Variants in DOK5 observed in about 807,000 individuals in gnomAD.
DOK5 encodes downstream of tyrosine kinase 5.
Under a neutral mutation model 43.3 loss-of-function variants are expected in DOK5, and 27 were observed. The ratio of observed to expected loss-of-function variants is 0.62; its 90% confidence interval spans 0.46 to 0.86. DOK5 has a LOEUF of 0.86. Ranked by LOEUF, DOK5 falls within the 40% of genes least tolerant of loss-of-function variation. The pLI is 0.00. For synonymous variants in DOK5, 146 were observed against 140.1 expected, an observed-to-expected ratio of 1.04 and a Z score of -0.30; for missense variants, 373 against 392.9, an observed-to-expected ratio of 0.95 and a Z score of 0.43.
At chr20:54,628,270 G>C (rs1456075476) in intron 6 of DOK5, among the ~76,000 whole-genome samples, 1 of 151,586 alleles carries the variant, frequency 6.6e-6, no homozygotes, top group Admixed American at 6.6e-5. Context: ...TTAGCCCGGC[G>C]TGGTGGCGGG....
At chr20:54,514,739 T>C (rs1983139968) in intron 1 of DOK5, among the ~76,000 whole-genome samples, 2 of 151,974 alleles carry the variant, frequency 1.3e-5, no homozygotes, top group South Asian at 2.1e-4. Flanking sequence ...GGTCCCTGTC[T>C]GAGGCAATTA....
At chr20:54,508,206 C>T (rs990640822) in intron 1 of DOK5, among the ~76,000 whole-genome samples, 4 of 151,996 alleles carry the variant, frequency 2.6e-5, no homozygotes, top group Admixed American at 1.3e-4. Context: ...GTAGAACTCC[C>T]AGTATTTGTA....
chr20:54,570,908 C>T (rs1472794885), intron 2 of DOK5, among the ~76,000 whole-genome samples: 1 of 152,102 alleles, frequency 6.6e-6, no homozygotes, highest in Admixed American at 6.5e-5. Context: ...AAAACTATAT[C>T]GGTAGCAAAT....
At chr20:54,548,258 TTTA>T (rs1485342378) in intron 1 of DOK5, among the ~76,000 whole-genome samples, 2 of 152,002 alleles carry the variant, frequency 1.3e-5, no homozygotes, top group Non-Finnish European at 2.9e-5. Context: ...TATTTATTTA[TTTA>T]TTGACACTCT....
intron 2 of DOK5, among the ~76,000 whole-genome samples, chr20:54,573,190 C>T (rs945385362): frequency 2.0e-5 from 3 of 152,098 alleles, no homozygotes; most frequent in African/African-American, 7.2e-5. Flanking sequence ...GGAATGGTCT[C>T]ATTGAGAGGG....
At chr20:54,560,591 G>A (rs918714039) in intron 2 of DOK5, among the ~76,000 whole-genome samples, 2 of 152,132 alleles carry the variant, frequency 1.3e-5, no homozygotes, top group African/African-American at 4.8e-5. Context: ...GTTCAAAACT[G>A]ACTGAACTCT....
intron 2 of DOK5, chr20:54,555,270 A>C: frequency 2.1e-6 from 1 of 467,600 alleles, no homozygotes; most frequent in Non-Finnish European, 3.9e-6. Context: ...GCTGTTTTCC[A>C]GTCTCTGCTA....
At chr20:54,630,117 G>T (rs1446674878) in intron 6 of DOK5, among the ~76,000 whole-genome samples, 1 of 152,172 alleles carries the variant, frequency 6.6e-6, no homozygotes, top group Admixed American at 6.5e-5. Context: ...AACGACTGGG[G>T]GTGCCCAGAG....
intron 5 of DOK5, among the ~76,000 whole-genome samples, chr20:54,607,089 G>A (rs1361524569): frequency 6.6e-6 from 1 of 152,194 alleles, no homozygotes; most frequent in African/African-American, 2.4e-5. Flanking sequence ...TAGAATGCAG[G>A]AGCTTGATCA....
intron 6 of DOK5, among the ~76,000 whole-genome samples, chr20:54,612,250 G>C (rs1986673282): frequency 6.6e-6 from 1 of 152,300 alleles, no homozygotes; most frequent in Middle Eastern, 3.4e-3. Flanking sequence ...ACTTGGAAAA[G>C]AGCAAGTGCC....
chr20:54,597,275 T>C (rs556720302), intron 5 of DOK5, among the ~76,000 whole-genome samples: 3 of 152,334 alleles, frequency 2.0e-5, no homozygotes, highest in Non-Finnish European at 4.4e-5. Context: ...CATTTGATAA[T>C]GTCTGGAGAC....
At chr20:54,628,384 G>C (rs1292482994) in intron 6 of DOK5, among the ~76,000 whole-genome samples, 2 of 122,614 alleles carry the variant, frequency 1.6e-5, no homozygotes, top group Admixed American at 1.9e-4. Flanking sequence ...ACTCCAGCCT[G>C]GGCGACAGAG....
intron 1 of DOK5, among the ~76,000 whole-genome samples, chr20:54,498,071 T>C (rs6023299): frequency 0.015 from 2,322 of 152,312 alleles, 51 homozygotes; most frequent in African/African-American, 0.053. Flanking sequence ...CATCACTAAA[T>C]TTTTCTCTTA....
chr20:54,557,050 A>G (rs983494365), intron 2 of DOK5, among the ~76,000 whole-genome samples: 63 of 152,332 alleles, frequency 4.1e-4, no homozygotes, highest in Non-Finnish European at 2.5e-4. Flanking sequence ...CTCAAAATGT[A>G]TGGAGACTCT....
intron 1 of DOK5, among the ~76,000 whole-genome samples, chr20:54,514,041 A>C (rs1983105109): frequency 6.6e-6 from 1 of 152,206 alleles, no homozygotes; most frequent in African/African-American, 2.4e-5. Flanking sequence ...CTCATTGTGC[A>C]CTGCAGGATG....
At chr20:54,549,995 T>G (rs1303706793) in intron 1 of DOK5, among the ~76,000 whole-genome samples, 2 of 152,312 alleles carry the variant, frequency 1.3e-5, no homozygotes, top group African/African-American at 4.8e-5. Flanking sequence ...GTCTCATCTG[T>G]TATTCAGACA....
At chr20:54,628,363 C>A (rs572193775) in intron 6 of DOK5, among the ~76,000 whole-genome samples, 4 of 126,206 alleles carry the variant, frequency 3.2e-5, no homozygotes, top group South Asian at 2.5e-4. Context: ...GAGCCGAGAT[C>A]GCGCCACTGC....
At chr20:54,556,380 G>T (rs1251071331) in intron 2 of DOK5, among the ~76,000 whole-genome samples, 1 of 152,172 alleles carries the variant, frequency 6.6e-6, no homozygotes, top group Non-Finnish European at 1.5e-5. Context: ...GGGAGGAGTT[G>T]TTGAATTGAA....
At chr20:54,493,010 G>C in intron 1 of DOK5, among the ~76,000 whole-genome samples, 1 of 142,358 alleles carries the variant, frequency 7.0e-6, no homozygotes, top group African/African-American at 2.6e-5. Context: ...AGCTGAGACT[G>C]AGCCACTGCA....
Sources: gnomAD v4.1 joint callset for allele counts (sites outside exome capture counted in the v4.1 genomes callset) on GRCh38, gnomAD v4.1.1 for gene constraint, MANE v1.5 for transcripts, NCBI Gene and HGNC (gene_info 2026-07-23, HGNC 2026-07-21) for gene names.